CCDC38: variants seen among roughly 807,000 people sequenced by gnomAD.
CCDC38 encodes coiled-coil domain-containing protein 38.
CCDC38 carries 69 observed loss-of-function variants against 72.8 expected under a neutral mutation model. The observed-to-expected ratio is 0.95, with a 90% CI of 0.78 to 1.16. The LOEUF (loss-of-function observed/expected upper bound fraction) is 1.16, where lower values mean the gene tolerates loss of function less well. Ranked by LOEUF, CCDC38 falls within the 50% of genes most tolerant of loss-of-function variation. The pLI, the probability that CCDC38 is intolerant of heterozygous loss-of-function variation, is 0.00. For synonymous variants in CCDC38, 201 were observed against 213.2 expected, an observed-to-expected ratio of 0.94 and a Z score of 0.50; for missense variants, 626 against 638.9, an observed-to-expected ratio of 0.98 and a Z score of 0.22.
At chr12:95,941,526 A>G (rs924758101) in intron 1 of CCDC38, among the ~76,000 whole-genome samples, 1 of 152,374 alleles carries the variant, frequency 6.6e-6, no homozygotes, top group African/African-American at 2.4e-5. Flanking sequence ...TATAGGAAAC[A>G]GAACTCAGAC....
At chr12:95,925,659 A>G (rs1044631787) in intron 2 of CCDC38, among the ~76,000 whole-genome samples, 3 of 152,180 alleles carry the variant, frequency 2.0e-5, no homozygotes, top group Non-Finnish European at 4.4e-5. Context: ...CCCATTCAGT[A>G]TAATATTGGC....
At chr12:95,908,268 C>T (rs1300805526) in intron 4 of CCDC38, among the ~76,000 whole-genome samples, 2 of 151,206 alleles carry the variant, frequency 1.3e-5, no homozygotes, top group African/African-American at 2.4e-5. Context: ...GAGACCAGCC[C>T]GGCCAACACA....
Position 95,869,524 on chromosome 12 carries a change from G to T in CCDC38, c.1534C>A (p.Leu512Ile). 6.2e-7 allele frequency: 1 copy of T among 1,613,572 alleles called. No homozygotes were observed. The highest frequency in any genetic ancestry group is 1.1e-5 in the South Asian group (1 of 91,016). Residue 512 changes from leucine to isoleucine, a missense_variant, in exon 15 of 16, where the codon CTA becomes ATA. Leu to Ile is a conservative substitution (Grantham distance 5). Transcript: ENST00000344280. ...KEKQRHQQER[L>I]KAALEKAVAQ... ...ACTGCTTTTTCCAGAGCAGCTTTTA[G>T]CCTTTCCTGTTGGTGTCTTTGTTTT...
At chr12:95,923,285 C>A (rs750457751) in intron 2 of CCDC38, among the ~76,000 whole-genome samples, 131 of 152,244 alleles carry the variant, frequency 8.6e-4, no homozygotes, top group African/African-American at 2.4e-3. Flanking sequence ...CATAGTAAAT[C>A]TCCTTCTTAT....
chr12:95,879,906 G>T lies in CCDC38; in HGVS notation c.991-111C>A. On this transcript the variant is annotated intron_variant, in intron 11 of 15. Transcript: ENST00000344280. The surrounding 1 kb of genome is among the most constrained non-coding windows in gnomAD (Gnocchi z 5.5). ...AAAGGAAGACAGTTCTAAGGATGAG[G>T]GAGACACAGGTAGGAACTTGTATGG... 1.3e-6 allele frequency: 1 copy of T among 744,292 alleles called. No individual in the cohort carries two copies. 46.1% of individuals were successfully genotyped at this position (744,292 alleles called of 1,614,324 possible).
chr12:95,904,522 G>T (rs2079981819), intron 5 of CCDC38, among the ~76,000 whole-genome samples: 1 of 152,256 alleles, frequency 6.6e-6, no homozygotes, highest in Admixed American at 6.5e-5. Context: ...ATAAGGCAGA[G>T]CCTGAGTAAG....
intron 4 of CCDC38, among the ~76,000 whole-genome samples, chr12:95,915,778 C>G (rs773635218): frequency 6.6e-6 from 1 of 152,184 alleles, no homozygotes; most frequent in African/African-American, 2.4e-5. Flanking sequence ...CCATTGCTGA[C>G]AGAGCCCAAA....
intron 1 of CCDC38, among the ~76,000 whole-genome samples, chr12:95,941,542 C>A (rs1387915931): frequency 6.6e-6 from 1 of 152,168 alleles, no homozygotes; most frequent in Admixed American, 6.5e-5. Flanking sequence ...CAGACTAAGA[C>A]AAGTTTATTG....
intron 4 of CCDC38, among the ~76,000 whole-genome samples, chr12:95,907,574 G>A (rs796204489): frequency 0.015 from 1,751 of 115,984 alleles, 19 homozygotes; most frequent in South Asian, 0.032. Context: ...CTGGCCAGGC[G>A]GGGGACTGAC....
intron 4 of CCDC38, among the ~76,000 whole-genome samples, chr12:95,913,637 C>G (rs919383281): frequency 1.3e-5 from 2 of 152,084 alleles, no homozygotes; most frequent in Non-Finnish European, 2.9e-5. Flanking sequence ...AGATACACTA[C>G]TTTACTTTGT....
chr12:95,892,159 T>TTCATGTA (rs2079834682), intron 8 of CCDC38, among the ~76,000 whole-genome samples: 2 of 151,210 alleles, frequency 1.3e-5, no homozygotes, highest in Admixed American at 6.6e-5. Context: ...AAATTCCTGT[T>TTCATGTA]TCATGTATTT....
chr12:95,888,829 C>G (rs1430936054), intron 9 of CCDC38, among the ~76,000 whole-genome samples: 2 of 152,004 alleles, frequency 1.3e-5, no homozygotes, highest in Non-Finnish European at 2.9e-5. Flanking sequence ...AACTATATAT[C>G]ATTCGCCCCA....
chr12:95,876,989 C>T (rs2079642888), intron 13 of CCDC38, among the ~76,000 whole-genome samples: 1 of 151,926 alleles, frequency 6.6e-6, no homozygotes, highest in African/African-American at 2.4e-5. Flanking sequence ...CTAGACCTTT[C>T]CAGGGTCTTA....
At chr12:95,909,073 C>T (rs1456075281) in intron 4 of CCDC38, among the ~76,000 whole-genome samples, 1 of 151,142 alleles carries the variant, frequency 6.6e-6, no homozygotes, top group Admixed American at 6.6e-5. Flanking sequence ...GAAATTGAGA[C>T]AAAAAAATAA....
intron 10 of CCDC38, among the ~76,000 whole-genome samples, chr12:95,884,287 T>G (rs1349527746): frequency 6.6e-6 from 1 of 152,246 alleles, no homozygotes; most frequent in Non-Finnish European, 1.5e-5. Context: ...TAGCAATGAC[T>G]GCATGGACAC....
At chr12:95,897,484 C>G (rs747447539) in intron 7 of CCDC38, among the ~76,000 whole-genome samples, 7 of 151,642 alleles carry the variant, frequency 4.6e-5, no homozygotes, top group Non-Finnish European at 1.0e-4. Context: ...GAGGTGGGCA[C>G]CTGTAATCCC....
intron 5 of CCDC38, chr12:95,903,774 G>T: frequency 3.8e-6 from 1 of 259,946 alleles, no homozygotes; most frequent in Non-Finnish European, 7.2e-6. Flanking sequence ...TAGTATTATT[G>T]GATTTGGTTT....
intron 2 of CCDC38, among the ~76,000 whole-genome samples, chr12:95,929,090 T>C (rs553983951): frequency 1.3e-5 from 2 of 152,308 alleles, no homozygotes; most frequent in Admixed American, 1.3e-4. Flanking sequence ...CCCGGCTGCT[T>C]TGTTTACCTA....
At chr12:95,914,957 A>C (rs889299518) in intron 4 of CCDC38, among the ~76,000 whole-genome samples, 3 of 152,218 alleles carry the variant, frequency 2.0e-5, no homozygotes, top group African/African-American at 7.2e-5. Flanking sequence ...CAATTTACTC[A>C]AACATTTTTA....
Sources: allele counts gnomAD v4.1 joint callset (sites outside exome capture counted in the v4.1 genomes callset), GRCh38; gene constraint gnomAD v4.1.1; non-coding constraint Gnocchi (gnomAD v3.1); transcripts MANE v1.5; gene names NCBI Gene and HGNC (gene_info 2026-07-23, HGNC 2026-07-21).